UBR1: variants seen among roughly 807,000 people sequenced by gnomAD.
UBR1 encodes ubiquitin protein ligase E3 component n-recognin 1, also known as E3 ubiquitin-protein ligase UBR1.
Under a neutral mutation model 242.1 loss-of-function variants are expected in UBR1, and 102 were observed. That is an observed-to-expected ratio of 0.42 (90% CI 0.36 to 0.50). The LOEUF is 0.50. UBR1 is among the 20% of genes least tolerant of loss of function. UBR1 has a pLI of 0.01. For synonymous variants in UBR1, 675 were observed against 684.8 expected, an observed-to-expected ratio of 0.99 and a Z score of 0.22; for missense variants, 1,772 against 2,101.8, an observed-to-expected ratio of 0.84 and a Z score of 3.07.
intron 1 of UBR1, among the ~76,000 whole-genome samples, chr15:43,098,378 G>GCACA (rs2034186006): frequency 6.6e-6 from 1 of 152,182 alleles, no homozygotes; most frequent in Admixed American, 6.5e-5. Flanking sequence ...CACGAAGTGA[G>GCACA]CACACAATGT....
At chr15:42,967,280 C>T (rs1166210612) in intron 40 of UBR1, among the ~76,000 whole-genome samples, 2 of 121,914 alleles carry the variant, frequency 1.6e-5, no homozygotes, top group East Asian at 2.5e-4. Context: ...TCAGGCTGAT[C>T]TTGAACTCCT....
intron 30 of UBR1, 105 bp from the exon 31 acceptor site, chr15:43,004,035 A>G (rs989310007): frequency 1.1e-6 from 1 of 937,408 alleles, no homozygotes; most frequent in East Asian, 2.4e-5. Context: ...TCACAATATC[A>G]TGATAGGAGG....
At chr15:42,949,520 C>G (rs888714235) in intron 46 of UBR1, among the ~76,000 whole-genome samples, 1 of 151,912 alleles carries the variant, frequency 6.6e-6, no homozygotes, top group African/African-American at 2.4e-5. Context: ...AGCTCTCAGC[C>G]GGGCATGGTG....
chr15:42,956,501 G>A (rs1375704109), intron 44 of UBR1, among the ~76,000 whole-genome samples: 6 of 152,124 alleles, frequency 3.9e-5, no homozygotes, highest in Non-Finnish European at 1.5e-5. Context: ...TGTATTTTTA[G>A]CAGAGGCAGA....
intron 1 of UBR1, among the ~76,000 whole-genome samples, chr15:43,088,791 A>G (rs531265487): frequency 7.9e-5 from 12 of 152,106 alleles, no homozygotes; most frequent in African/African-American, 2.9e-4. Context: ...ACTTTCAACA[A>G]TGTTACATTG....
intron 9 of UBR1, 45 bp downstream of exon 9, chr15:43,059,040 C>G: frequency 6.7e-7 from 1 of 1,489,678 alleles, no homozygotes; most frequent in Non-Finnish European, 9.4e-7. Context: ...AGGTCATAAT[C>G]TTCCTTTGCT....
intron 2 of UBR1, among the ~76,000 whole-genome samples, chr15:43,083,879 C>T (rs921608237): frequency 4.0e-5 from 6 of 151,714 alleles, no homozygotes; most frequent in Non-Finnish European, 7.4e-5. Flanking sequence ...CCCGTCTCTA[C>T]TAAAAATACA....
chr15:43,042,517 G>A (rs1476540618), intron 15 of UBR1, among the ~76,000 whole-genome samples: 1 of 152,116 alleles, frequency 6.6e-6, no homozygotes, highest in African/African-American at 2.4e-5. Context: ...AGCGGGTGTG[G>A]GGAGGAGGCA....
At chr15:43,089,757 G>C (rs928673663) in intron 1 of UBR1, among the ~76,000 whole-genome samples, 4 of 152,040 alleles carry the variant, frequency 2.6e-5, no homozygotes, top group Non-Finnish European at 1.5e-5. Flanking sequence ...TGTTATTTTT[G>C]CCCAAAATGT....
chr15:43,036,283 T>C lies in UBR1; in HGVS notation c.2089-4A>G, dbSNP rs1165391576. 6 of 1,608,400 alleles carry C rather than the reference T, an allele frequency of 3.7e-6. No homozygotes were observed. The highest frequency in any genetic ancestry group is 1.7e-5 in the Admixed American group (1 of 59,996). ...GATCCATTAAAGATGCACCAATCTG[T>C]GAAAGAAATCCAGCATCATATTTCT... is the stretch of plus-strand genomic sequence containing the variant. On this transcript the variant is annotated splice_polypyrimidine_tract_variant and splice_region_variant and intron_variant, in intron 18 of 46. Transcript: ENST00000290650.
intron 43 of UBR1, among the ~76,000 whole-genome samples, chr15:42,960,195 G>C (rs1596075714): frequency 6.6e-6 from 1 of 152,082 alleles, no homozygotes; most frequent in Admixed American, 6.6e-5. Flanking sequence ...AGATAAGAGG[G>C]CTGAAGAAAA....
intron 1 of UBR1, among the ~76,000 whole-genome samples, chr15:43,102,028 T>A: frequency 7.2e-6 from 1 of 139,754 alleles, no homozygotes; most frequent in East Asian, 2.2e-4. Context: ...TAATTCCAGC[T>A]ACTCGGGAGG....
chr15:43,002,473 A>C (rs2032741338), intron 32 of UBR1, 82 bp downstream of exon 32: 3 of 1,481,532 alleles, frequency 2.0e-6, no homozygotes, highest in Non-Finnish European at 2.8e-6. Context: ...CGCCCATCTC[A>C]GTCTCCCAAA....
intron 29 of UBR1, 166 bp downstream of exon 29, chr15:43,015,522 C>T (rs1176381309): frequency 1.4e-6 from 1 of 709,306 alleles, no homozygotes; most frequent in African/African-American, 1.8e-5. Context: ...CCGCAGGGTC[C>T]TCTGCCTAGG....
intron 1 of UBR1, among the ~76,000 whole-genome samples, chr15:43,100,005 A>T (rs1249772859): frequency 6.6e-6 from 1 of 151,900 alleles, no homozygotes; most frequent in Admixed American, 6.6e-5. Context: ...CCTCCTGAGT[A>T]GCTGGGACTA....
At chr15:43,058,271 C>T (rs1378499029) in intron 10 of UBR1, 70 bp downstream of exon 10, 2 of 999,550 alleles carry the variant, frequency 2.0e-6, no homozygotes, top group Non-Finnish European at 3.1e-6. Context: ...ATAATTATCC[C>T]TGTTTCTATT....
chr15:42,976,915 C>A, intron 38 of UBR1, 48 bp from the exon 39 acceptor site: 1 of 1,590,600 alleles, frequency 6.3e-7, no homozygotes, highest in Non-Finnish European at 8.6e-7. Context: ...AAAAGACTAA[C>A]ATAAATTAAT....
chr15:43,043,146 G>T, intron 15 of UBR1, 69 bp downstream of exon 15: 1 of 1,554,224 alleles, frequency 6.4e-7, no homozygotes, highest in Non-Finnish European at 8.9e-7. Flanking sequence ...AAATAGAAAT[G>T]ATTCTACTAA....
At chr15:43,022,624 T>C in intron 26 of UBR1, 78 bp downstream of exon 26, 1 of 1,046,860 alleles carries the variant, frequency 9.6e-7, no homozygotes, top group Non-Finnish European at 1.5e-6. Flanking sequence ...ATATAAACTT[T>C]CAGGATTGAC....
Sources: allele counts gnomAD v4.1 joint callset (sites outside exome capture counted in the v4.1 genomes callset), GRCh38; gene constraint gnomAD v4.1.1; transcripts MANE v1.5; gene names NCBI Gene and HGNC (gene_info 2026-07-23, HGNC 2026-07-21).